Variants in POLR2F observed in about 807,000 individuals in gnomAD.
POLR2F encodes DNA-directed RNA polymerases I, II, and III subunit RPABC2.
Under a neutral mutation model 22.7 loss-of-function variants are expected in POLR2F, and 12 were observed. The ratio of observed to expected loss-of-function variants is 0.53; its 90% CI spans 0.34 to 0.86. The LOEUF is 0.86. POLR2F is among the 40% of genes least tolerant of loss of function. The pLI is 0.02. For missense variants in POLR2F, 126 were observed against 171.5 expected (o/e 0.73, Z 1.48); for synonymous variants, 57 against 66.0 (o/e 0.86, Z 0.66).
In POLR2F at chr22:38,016,313, G is replaced by A. The variant is rs1169144202; in HGVS notation, c.121-9556G>A. 6.6e-6 allele frequency among the ~76,000 whole-genome samples: 1 copy of A among 152,200 alleles called. No homozygotes were observed. Among genetic ancestry groups the A allele is most frequent in the Admixed American group, 6.5e-5 (1 of 15,278 alleles). On this transcript the variant is annotated intron_variant, in intron 1 of 2. Coordinates refer to the POLR2F transcript ENST00000333418. The surrounding 1 kb of genome is among the most constrained non-coding windows in gnomAD (Gnocchi z 4.4). ...CCAATGAGGCATTACTCTGGACAAAGCCCCGGCCCAAAGGCATTTGGGAGC... is the reference window on the plus strand; with the variant it reads ...CCAATGAGGCATTACTCTGGACAAAACCCCGGCCCAAAGGCATTTGGGAGC...
chr22:38,012,707 T>C (rs1268575981), intron 1 of POLR2F, among the ~76,000 whole-genome samples: 2 of 152,232 alleles, frequency 1.3e-5, no homozygotes, highest in African/African-American at 4.8e-5. Context: ...CTCCTTCCTG[T>C]GTTTCATGAC....
intron 1 of POLR2F, among the ~76,000 whole-genome samples, chr22:37,994,983 G>C (rs2084699814): frequency 6.6e-6 from 1 of 152,208 alleles, no homozygotes; most frequent in South Asian, 2.1e-4. Context: ...GTGGCAAATT[G>C]AGAAATCAGA....
Position 37,956,840 on chromosome 22 carries a change from G to A in POLR2F, c.88G>A (p.Glu30Lys). Residue 30 changes from glutamate to lysine, a missense_variant and splice_region_variant, in exon 2 of 5, where the codon GAG becomes AAG. Coordinates refer to ENST00000442738, the MANE Select transcript of POLR2F (RefSeq NM_021974.5). ...EGLDDLENAEEEGQENVEILP... is the reference protein window; with the variant it reads ...EGLDDLENAEKEGQENVEILP... ...GCTAGATGACTTGGAGAATGCCGAAGAGGTCAGTATTCAGCCTCAGGCTCC... is the reference window on the plus strand; with the variant it reads ...GCTAGATGACTTGGAGAATGCCGAAAAGGTCAGTATTCAGCCTCAGGCTCC... 6.2e-7 allele frequency: 1 copy of A among 1,612,822 alleles called. No homozygotes were observed. Among genetic ancestry groups the A allele is most frequent in the Non-Finnish European group, 8.5e-7 (1 of 1,178,740 alleles).
At chr22:37,972,259 C>A, downstream of POLR2F, 5 of 1,301,826 alleles carry the variant, frequency 3.8e-6, no homozygotes, top group Middle Eastern at 2.1e-4. Context: ...GAGGAAGCAC[C>A]AGTACAGGGA....
At chr22:37,989,044 C>A (rs960335940) in intron 1 of POLR2F, among the ~76,000 whole-genome samples, 1 of 152,076 alleles carries the variant, frequency 6.6e-6, no homozygotes, top group African/African-American at 2.4e-5. Flanking sequence ...GCTGTGGGAG[C>A]TCCCCTGAGC....
chr22:38,037,663 G>C (rs900279401), intron 5 of POLR2F, among the ~76,000 whole-genome samples: 1 of 150,950 alleles, frequency 6.6e-6, no homozygotes, highest in Non-Finnish European at 1.5e-5. Context: ...CACCATCTCA[G>C]CTCACTGCAA....
downstream of POLR2F, among the ~76,000 whole-genome samples, chr22:38,028,188 C>T (rs533740145): frequency 2.6e-5 from 4 of 152,180 alleles, no homozygotes; most frequent in South Asian, 6.2e-4. Context: ...AGAGAGACTG[C>T]GCTAGAGATG....
intron 4 of POLR2F, 166 bp from the exon 5 acceptor site, chr22:37,967,459 A>C (rs1931901412): frequency 2.1e-6 from 3 of 1,437,350 alleles, no homozygotes; most frequent in Non-Finnish European, 2.7e-6. Flanking sequence ...TCTGATATAA[A>C]AACTTTCTTT....
rs189322808 is a variant in POLR2F, at chr22:38,014,360, T to A, written c.121-11509T>A. Among the ~76,000 whole-genome samples the A allele has an allele frequency of 3.9e-3, 590 of 151,306 alleles. 3 individuals are homozygous for A. Among genetic ancestry groups the A allele is most frequent in the African/African-American group, 0.012 (487 of 41,056 alleles). Reference sequence around the variant, plus strand: ...GCTAGGACTTATTTTTTTTATTTTTTTTTTTTTGAGACAGAGTCTCCCTCT... The same window carrying A: ...GCTAGGACTTATTTTTTTTATTTTTATTTTTTTGAGACAGAGTCTCCCTCT... On this transcript the variant is annotated intron_variant, in intron 1 of 2. Transcript: ENST00000333418.
chr22:38,040,153 G>C (rs2085157154), intron 5 of POLR2F, among the ~76,000 whole-genome samples: 1 of 151,816 alleles, frequency 6.6e-6, no homozygotes, highest in Non-Finnish European at 1.5e-5. Context: ...GTGTATGCCT[G>C]TGGTCCCAGT....
In POLR2F at chr22:37,967,872, C is replaced by A; in HGVS notation, c.*157C>A. ...CCCGTTACCGCCATGCTGCGTGGAG[C>A]ATGCACCTATTCCAGTGGCCCTGTG... On this transcript the variant is annotated 3_prime_UTR_variant, in exon 5 of 5. Coordinates refer to ENST00000442738, the MANE Select transcript of POLR2F (RefSeq NM_021974.5). 1 of 1,392,720 alleles carries A rather than the reference C, an allele frequency of 7.2e-7. No homozygotes were observed. 86.3% of individuals were successfully genotyped at this position (1,392,720 alleles called of 1,614,324 possible).
At chr22:37,977,751 G>T in intron 4 of POLR2F, 1 of 1,164,148 alleles carries the variant, frequency 8.6e-7, no homozygotes, top group Non-Finnish European at 1.2e-6. Flanking sequence ...CTCTGCTGGG[G>T]CAACTGCACA....
chr22:38,037,675 C>T (rs1222667396), intron 5 of POLR2F, among the ~76,000 whole-genome samples: 1 of 151,806 alleles, frequency 6.6e-6, no homozygotes, highest in Non-Finnish European at 1.5e-5. Flanking sequence ...TCACTGCAAC[C>T]TCCACCTCCC....
At chr22:37,975,770 G>A (rs139798079) in intron 4 of POLR2F, among the ~76,000 whole-genome samples, 167 of 152,212 alleles carry the variant, frequency 1.1e-3, no homozygotes, top group African/African-American at 3.9e-3. Flanking sequence ...AATAGAGATT[G>A]TACCAAGCAG....
downstream of POLR2F, among the ~76,000 whole-genome samples, chr22:38,030,894 C>T (rs141175232): frequency 3.2e-3 from 494 of 152,216 alleles, 2 homozygotes; most frequent in African/African-American, 0.011. Context: ...CTGGACAAAT[C>T]CATCAGATCA....
intron 1 of POLR2F, among the ~76,000 whole-genome samples, chr22:38,006,613 G>T (rs953623065): frequency 7.9e-5 from 12 of 152,230 alleles, no homozygotes; most frequent in Non-Finnish European, 1.3e-4. Flanking sequence ...GTGGCTCTGG[G>T]GAGGAGCGGG....
rs139879 is a variant in POLR2F, at chr22:37,968,545, T to C, written c.*830T>C. ...GTGTTACATTAAGTCAGAGCTGGAG[T>C]TCCCCCTTCCTCTGCCTGAGGTTCT... On this transcript the variant is annotated 3_prime_UTR_variant, in exon 5 of 5. Transcript: ENST00000442738. 635,934 of 984,952 alleles carry C rather than the reference T, an allele frequency of 0.65. 207,077 individuals are homozygous for C. The highest frequency in any genetic ancestry group is 0.83 in the African/African-American group (47,428 of 57,272). The allele number at this position is 984,952 out of a possible 1,614,324, so 61.0% of individuals were successfully genotyped here. A position where few individuals can be genotyped will look rare whatever the true frequency, so the allele number is the denominator to read the frequency against.
intron 1 of POLR2F, among the ~76,000 whole-genome samples, chr22:38,004,116 G>T (rs1384131083): frequency 1.3e-5 from 2 of 152,150 alleles, no homozygotes; most frequent in Non-Finnish European, 2.9e-5. Context: ...AGTCTCCAGA[G>T]TAGCTTGGAC....
chr22:37,991,655 G>A (rs1932730521), intron 1 of POLR2F, among the ~76,000 whole-genome samples: 1 of 152,148 alleles, frequency 6.6e-6, no homozygotes, highest in South Asian at 2.1e-4. Context: ...TGGATGTGGA[G>A]GCACCATGGC....
Sources: allele counts gnomAD v4.1 joint callset (sites outside exome capture counted in the v4.1 genomes callset), GRCh38; gene constraint gnomAD v4.1.1; non-coding constraint Gnocchi (gnomAD v3.1); transcripts MANE v1.5; gene names NCBI Gene and HGNC (gene_info 2026-07-23, HGNC 2026-07-21).